Variants in SH3BGRL2 observed in about 807,000 individuals in gnomAD.
The protein encoded by SH3BGRL2 is SH3 domain binding glutamate rich protein like 2, also known as SH3 domain-binding glutamic acid-rich-like protein 2.
In SH3BGRL2, 21 loss-of-function variants were observed where a neutral mutation model predicts 14.8. That is an observed-to-expected ratio of 1.42 (90% CI 1.01 to 2.05). The LOEUF (loss-of-function observed/expected upper bound fraction) is 2.05. Among genes scored for constraint, SH3BGRL2 ranks in the 30% most tolerant of loss-of-function variants. The pLI, the probability that SH3BGRL2 is intolerant of heterozygous loss-of-function variation, is 0.00. For synonymous variants in SH3BGRL2, 50 were observed against 47.8 expected, an observed-to-expected ratio of 1.05 and a Z score of -0.19; for missense variants, 147 against 130.8, an observed-to-expected ratio of 1.12 and a Z score of -0.61.
chr6:79,658,277 T>C (rs1452298787), intron 1 of SH3BGRL2, among the ~76,000 whole-genome samples: 1 of 152,182 alleles, frequency 6.6e-6, no homozygotes, highest in African/African-American at 2.4e-5. Context: ...GATATTCTAA[T>C]GCTATCCCTC....
At chr6:79,594,574 C>T in the SH3BGRL2 span, among the ~76,000 whole-genome samples, 1 of 152,056 alleles carries the variant, frequency 6.6e-6, no homozygotes, top group Admixed American at 6.5e-5. Flanking sequence ...GCTCCCACAG[C>T]AATGGGTAGA....
the SH3BGRL2 span, chr6:79,574,845 G>T: frequency 1.3e-5 from 2 of 152,326 alleles, no homozygotes; most frequent in Admixed American, 1.3e-4. Context: ...TGACTCAGAT[G>T]GTTGGGGGTT....
chr6:79,597,270 AAG>A, the SH3BGRL2 span, among the ~76,000 whole-genome samples: 6 of 148,968 alleles, frequency 4.0e-5, no homozygotes, highest in Admixed American at 1.3e-4. Flanking sequence ...AGAGGAAAGA[AAG>A]AGAGAGAGAG....
upstream of SH3BGRL2, among the ~76,000 whole-genome samples, chr6:79,630,600 G>C (rs1036821327): frequency 3.3e-5 from 5 of 152,190 alleles, no homozygotes; most frequent in African/African-American, 1.2e-4. Context: ...GCACAGAGGC[G>C]AAGCCATTGT....
chr6:79,676,295 A>G (rs974824140), intron 2 of SH3BGRL2, among the ~76,000 whole-genome samples: 2 of 152,128 alleles, frequency 1.3e-5, no homozygotes, highest in Non-Finnish European at 2.9e-5. Context: ...TTAATAATGT[A>G]TTAATATCTT....
intron 2 of SH3BGRL2, among the ~76,000 whole-genome samples, chr6:79,685,233 T>G (rs187313255): frequency 2.4e-4 from 36 of 152,326 alleles, no homozygotes; most frequent in Non-Finnish European, 4.9e-4. Context: ...CCTCTCCAGT[T>G]GCATGGCTAG....
At chr6:79,640,110 TG>T (rs966169688) in intron 1 of SH3BGRL2, among the ~76,000 whole-genome samples, 46 of 152,144 alleles carry the variant, frequency 3.0e-4, no homozygotes, top group African/African-American at 1.0e-3. Context: ...TGTTAGTTTT[TG>T]GGGGGCACTG....
the SH3BGRL2 span, among the ~76,000 whole-genome samples, chr6:79,558,000 C>T: frequency 6.6e-6 from 1 of 152,146 alleles, no homozygotes; most frequent in Admixed American, 6.6e-5. Flanking sequence ...TTGGAACTAT[C>T]AAGGAAGAAA....
At chr6:79,586,371 A>G in the SH3BGRL2 span, among the ~76,000 whole-genome samples, 2 of 151,418 alleles carry the variant, frequency 1.3e-5, no homozygotes, top group African/African-American at 2.4e-5. Flanking sequence ...CTCTAAAGAC[A>G]TTAGTATCAG....
intron 2 of SH3BGRL2, among the ~76,000 whole-genome samples, chr6:79,677,954 G>C (rs967483676): frequency 1.3e-5 from 2 of 152,118 alleles, no homozygotes; most frequent in South Asian, 2.1e-4. Flanking sequence ...TCATGGCCAA[G>C]GTTTTAACCC....
the SH3BGRL2 span, among the ~76,000 whole-genome samples, chr6:79,560,613 GAAAC>G: frequency 6.6e-6 from 1 of 152,144 alleles, no homozygotes; most frequent in Non-Finnish European, 1.5e-5. Flanking sequence ...AATGGGAAAA[GAAAC>G]AGACATAAAA....
intron 1 of SH3BGRL2, among the ~76,000 whole-genome samples, chr6:79,643,074 T>A (rs1228060940): frequency 6.6e-6 from 1 of 152,196 alleles, no homozygotes; most frequent in Non-Finnish European, 1.5e-5. Flanking sequence ...ACTCTTTATC[T>A]GTGTCCAGCA....
the SH3BGRL2 span, among the ~76,000 whole-genome samples, chr6:79,575,847 G>A: frequency 1.3e-5 from 2 of 151,850 alleles, no homozygotes; most frequent in Non-Finnish European, 2.9e-5. Flanking sequence ...ATTTTCATTG[G>A]TTGTGATTAC....
Position 79,700,023 on chromosome 6 carries a change from C to G in SH3BGRL2, c.*514C>G, listed in dbSNP as rs1396424899. 1 of 153,188 alleles carries G rather than the reference C, an allele frequency of 6.5e-6. No homozygotes were observed. The highest frequency in any genetic ancestry group is 6.5e-5 in the Admixed American group (1 of 15,282). 9.5% of individuals were successfully genotyped at this position (153,188 alleles called of 1,614,324 possible). On this transcript the variant is annotated 3_prime_UTR_variant, in exon 4 of 4. Transcript: ENST00000369838. ...GAATCAGTTACAAACATCACAGTTC[C>G]CATGCTTTGTAATAACACCTGGTGA...
the SH3BGRL2 span, among the ~76,000 whole-genome samples, chr6:79,589,136 G>C: frequency 6.6e-6 from 1 of 151,072 alleles, no homozygotes; most frequent in East Asian, 1.9e-4. Flanking sequence ...CTATTGTTTA[G>C]GGAATAATGA....
At chr6:79,593,931 A>T in the SH3BGRL2 span, among the ~76,000 whole-genome samples, 1 of 151,958 alleles carries the variant, frequency 6.6e-6, no homozygotes, top group Non-Finnish European at 1.5e-5. Flanking sequence ...AGGCTGAGGC[A>T]GGAGAATAGC....
intron 1 of SH3BGRL2, among the ~76,000 whole-genome samples, chr6:79,668,384 G>C (rs569030718): frequency 4.6e-5 from 7 of 152,108 alleles, no homozygotes; most frequent in African/African-American, 1.4e-4. Flanking sequence ...AGATTTCCAC[G>C]GGTCATTGAG....
chr6:79,641,876 A>G (rs937352213), intron 1 of SH3BGRL2, among the ~76,000 whole-genome samples: 5 of 152,210 alleles, frequency 3.3e-5, no homozygotes, highest in African/African-American at 1.2e-4. Context: ...GAGAGATTTT[A>G]GTAAATTTAA....
intron 1 of SH3BGRL2, among the ~76,000 whole-genome samples, chr6:79,664,986 G>A (rs1769627592): frequency 6.6e-6 from 1 of 152,152 alleles, no homozygotes; most frequent in South Asian, 2.1e-4. Context: ...CAGATCATGA[G>A]GTCAGGAGTT....
Sources: gnomAD v4.1 joint callset for allele counts (sites outside exome capture counted in the v4.1 genomes callset) on GRCh38, gnomAD v4.1.1 for gene constraint, MANE v1.5 for transcripts, NCBI Gene and HGNC (gene_info 2026-07-23, HGNC 2026-07-21) for gene names.